PBK: variants seen among roughly 807,000 people sequenced by gnomAD.
PBK encodes the protein lymphokine-activated killer T-cell-originated protein kinase.
In PBK, 22 loss-of-function variants were observed where a neutral mutation model predicts 33.5. That is an observed-to-expected ratio of 0.66 (90% CI 0.47 to 0.94). The LOEUF is 0.94. Among genes scored for constraint, PBK ranks in the 40% least tolerant of loss-of-function variants. PBK has a pLI of 0.00. For missense variants in PBK, 376 were observed against 383.4 expected, an observed-to-expected ratio of 0.98 and a Z score of 0.16; for synonymous variants, 129 against 123.8, an observed-to-expected ratio of 1.04 and a Z score of -0.28.
chr8:27,823,244 A>G, intron 3 of PBK, 39 bp from the exon 4 acceptor site: 1 of 1,294,028 alleles, frequency 7.7e-7, no homozygotes, highest in Non-Finnish European at 1.1e-6. Context: ...AGAAAACAAT[A>G]AAACCACAAT....
chr8:27,825,306 C>T (rs1806005533), intron 3 of PBK, among the ~76,000 whole-genome samples: 1 of 152,082 alleles, frequency 6.6e-6, no homozygotes, highest in South Asian at 2.1e-4. Flanking sequence ...CATGTGGTGG[C>T]CCACGCCTGT....
rs1443700060 is a variant in PBK at position 27,810,171 on chromosome 8, T to A, written c.*134A>T. 4 of 639,044 alleles carry A rather than the reference T, an allele frequency of 6.3e-6. No homozygotes were observed. The highest frequency in any genetic ancestry group is 1.9e-5 in the African/African-American group (1 of 53,920). 39.6% of individuals were successfully genotyped at this position (639,044 alleles called of 1,614,324 possible). On this transcript the variant is annotated 3_prime_UTR_variant, in exon 8 of 8. Coordinates refer to ENST00000301905, the MANE Select transcript of PBK (RefSeq NM_018492.4). Reference sequence around the variant, plus strand: ...AAGCATATTTCATATTAGAAATAGTTATCCATATGTTAACAAGAAACTATG... The same window carrying A: ...AAGCATATTTCATATTAGAAATAGTAATCCATATGTTAACAAGAAACTATG...
chr8:27,813,979 G>A (rs1805759416), intron 6 of PBK, among the ~76,000 whole-genome samples: 1 of 151,992 alleles, frequency 6.6e-6, no homozygotes, highest in African/African-American at 2.4e-5. Context: ...GTGATATTTT[G>A]ATGCAGGCAT....
chr8:27,821,711 G>T (rs961972136), intron 5 of PBK, among the ~76,000 whole-genome samples: 1 of 152,094 alleles, frequency 6.6e-6, no homozygotes, highest in Non-Finnish European at 1.5e-5. Context: ...CCACAATTTT[G>T]AGGCTAGTCT....
At chr8:27,824,513 A>G (rs1805990956) in intron 3 of PBK, among the ~76,000 whole-genome samples, 2 of 152,178 alleles carry the variant, frequency 1.3e-5, no homozygotes, top group South Asian at 4.1e-4. Flanking sequence ...ATGTAAGTAA[A>G]TAAAATCTTT....
At chr8:27,830,315 G>GA (rs986831822) in intron 2 of PBK, among the ~76,000 whole-genome samples, 14 of 149,194 alleles carry the variant, frequency 9.4e-5, no homozygotes, top group African/African-American at 2.7e-4. Context: ...GAGCATAACG[G>GA]AAAAAAAAAG....
intron 1 of PBK, among the ~76,000 whole-genome samples, chr8:27,836,409 G>A (rs1806229119): frequency 6.6e-6 from 1 of 151,720 alleles, no homozygotes; most frequent in African/African-American, 2.4e-5. Flanking sequence ...CTGTTGGAGA[G>A]TTTTGTGGAG....
At chr8:27,828,817 C>G (rs904275634) in intron 2 of PBK, among the ~76,000 whole-genome samples, 2 of 149,504 alleles carry the variant, frequency 1.3e-5, no homozygotes, top group African/African-American at 4.9e-5. Flanking sequence ...TAATTAACTA[C>G]TCCTGGACAA....
Position 27,809,657 on chromosome 8 carries a change from C to CTATT in PBK, c.*644_*647dup, listed in dbSNP as rs1303992714. 1 of 152,108 alleles carries CTATT rather than the reference C, an allele frequency of 6.6e-6. No individual in the cohort carries two copies. Among genetic ancestry groups the CTATT allele is most frequent in the East Asian group, 1.9e-4 (1 of 5,192 alleles). 9.4% of individuals were successfully genotyped at this position (152,108 alleles called of 1,614,324 possible). On this transcript the variant is annotated 3_prime_UTR_variant, in exon 8 of 8. Transcript: ENST00000301905. ...AAAGTGTCCTTTATTCTTTATCATC[C>CTATT]TATTTGAGTTTTATTGTTTTTACAC... is the stretch of plus-strand genomic sequence containing the variant.
At chr8:27,823,675 T>TAC (rs1805972947) in intron 3 of PBK, among the ~76,000 whole-genome samples, 3 of 152,090 alleles carry the variant, frequency 2.0e-5, no homozygotes, top group African/African-American at 7.2e-5. Context: ...ATTGCTCCCC[T>TAC]ACACTGACCA....
At chr8:27,829,243 A>G (rs897753468) in intron 2 of PBK, among the ~76,000 whole-genome samples, 5 of 152,218 alleles carry the variant, frequency 3.3e-5, no homozygotes, top group African/African-American at 9.6e-5. Context: ...CTCAACAATT[A>G]CCAGAGATCA....
chr8:27,836,818 G>A (rs1806235114), intron 1 of PBK, among the ~76,000 whole-genome samples: 1 of 152,148 alleles, frequency 6.6e-6, no homozygotes, highest in Admixed American at 6.6e-5. Context: ...TCTTACGACT[G>A]AGTCCCACCT....
chr8:27,814,120 G>T (rs1329861569), intron 6 of PBK, among the ~76,000 whole-genome samples: 1 of 152,128 alleles, frequency 6.6e-6, no homozygotes, highest in East Asian at 1.9e-4. Context: ...GAAAAAGTTT[G>T]TGTAAAATCC....
chr8:27,811,902 AATAG>A (rs1008229316), intron 6 of PBK: 4 of 152,170 alleles, frequency 2.6e-5, no homozygotes, highest in African/African-American at 9.7e-5. Flanking sequence ...GGTACTTGTA[AATAG>A]ATTTTAAACA....
chr8:27,834,219 T>G (rs10095750), intron 1 of PBK, among the ~76,000 whole-genome samples: 23,892 of 151,900 alleles, frequency 0.16, 2,380 homozygotes, highest in East Asian at 0.37. Context: ...GTAGAGACGG[T>G]GTTTCACCAT....
intron 6 of PBK, 150 bp from the exon 7 acceptor site, chr8:27,811,284 G>A (rs1430069697): frequency 1.5e-6 from 1 of 662,444 alleles, no homozygotes; most frequent in African/African-American, 1.8e-5. Context: ...ACCTCAATAA[G>A]GATTACTTTC....
At chr8:27,811,689 T>C (rs4732606) in intron 6 of PBK, among the ~76,000 whole-genome samples, 23,915 of 152,154 alleles carry the variant, frequency 0.16, 2,384 homozygotes, top group East Asian at 0.36. Flanking sequence ...AAAAGCCAGC[T>C]AAAATTCTCA....
chr8:27,828,473 A>C (rs1034230242), intron 2 of PBK, among the ~76,000 whole-genome samples: 1 of 152,286 alleles, frequency 6.6e-6, no homozygotes, highest in Admixed American at 6.5e-5. Flanking sequence ...ACATTGTTAA[A>C]AGATAAAGGG....
chr8:27,820,779 A>T, intron 5 of PBK, 85 bp from the exon 6 acceptor site: 1 of 706,030 alleles, frequency 1.4e-6, no homozygotes, highest in Non-Finnish European at 2.3e-6. Context: ...AACAACTTGA[A>T]CTCCCTTCCT....
Sources: allele counts gnomAD v4.1 joint callset (sites outside exome capture counted in the v4.1 genomes callset), GRCh38; gene constraint gnomAD v4.1.1; transcripts MANE v1.5; gene names NCBI Gene and HGNC (gene_info 2026-07-23, HGNC 2026-07-21).